INSIG1: variants seen among roughly 807,000 people sequenced by gnomAD.
The protein encoded by INSIG1 is insulin induced gene 1, also known as insulin-induced gene 1 protein.
Under a neutral mutation model 26.5 loss-of-function variants are expected in INSIG1, and 14 were observed. The ratio of observed to expected loss-of-function variants is 0.53; its 90% CI spans 0.35 to 0.83. The LOEUF (loss-of-function observed/expected upper bound fraction) is 0.83. Ranked by LOEUF, INSIG1 falls within the 40% of genes least tolerant of loss-of-function variation. The probability of loss-of-function intolerance (pLI) is 0.01; values close to 1 mark genes in which losing one functional copy is unlikely to be tolerated. For missense variants in INSIG1, 272 were observed against 368.9 expected (o/e 0.74, Z 2.15); for synonymous variants, 147 against 153.3 (o/e 0.96, Z 0.30).
chr7:155,302,632 C>A lies in INSIG1; in HGVS notation c.705-115C>A. ...TTACAACCAAACAAATATGAACATT[C>A]GTAACATTGGATGGTTGATATGCGT... On this transcript the variant is annotated intron_variant, in intron 4 of 5. Coordinates refer to ENST00000340368, the MANE Select transcript of INSIG1 (RefSeq NM_005542.6). The surrounding 1 kb of genome is among the most constrained non-coding windows in gnomAD (Gnocchi z 4.3). 2.2e-6 allele frequency: 2 copies of A among 900,090 alleles called. No individual in the cohort carries two copies. Among genetic ancestry groups the A allele is most frequent in the Non-Finnish European group, 3.5e-6 (2 of 568,400 alleles). 55.8% of individuals were successfully genotyped at this position (900,090 alleles called of 1,614,324 possible).
At position 155,301,635 on chromosome 7, in the gene INSIG1, G is replaced by A; in HGVS notation, c.482G>A (p.Trp161Ter). 1 of 1,609,682 alleles carries A rather than the reference G, an allele frequency of 6.2e-7. No individual in the cohort carries two copies. Among genetic ancestry groups the A allele is most frequent in the Non-Finnish European group, 8.5e-7 (1 of 1,176,946 alleles). Residue 161 changes from tryptophan (W) to a stop codon, truncating the protein, a stop_gained, in exon 3 of 6, where the codon TGG becomes TAG. Coordinates refer to ENST00000340368, the MANE Select transcript of INSIG1 (RefSeq NM_005542.6). LOFTEE classifies it high-confidence loss of function. ...GAACCCCACAAATTTAAGAGAGAAT[G>A]GGCCAGTGTCATGCGCTGCATAGCA... ...LGEPHKFKRE[W>*]ASVMRCIAVF...
rs61740679 is a variant in INSIG1 at position 155,302,843 on chromosome 7, T to A, written c.801T>A (p.Ala267=). The A allele has an allele frequency of 1.9e-6, 3 of 1,584,254 alleles. No individual in the cohort carries two copies. The East Asian group carries it at 6.7e-5, about 35-fold the overall frequency. The change falls in exon 5 of 6, where the codon GCT becomes GCA. Residue 267 remains alanine (A), a synonymous_variant. Coordinates refer to ENST00000340368, the MANE Select transcript of INSIG1 (RefSeq NM_005542.6). The surrounding 1 kb of genome is among the most constrained non-coding windows in gnomAD (Gnocchi z 4.3). ...TGGGGAACATAGGACGACAGTTAGCTATGGTAAGTGAAATGATCATATTAT... is the reference window on the plus strand; with the variant it reads ...TGGGGAACATAGGACGACAGTTAGCAATGGTAAGTGAAATGATCATATTAT... The part of the protein sequence containing the change: ...VTVGNIGRQL[A]MGVPEKPHSD
At position 155,308,261 on chromosome 7, in the gene INSIG1, T is replaced by C; in HGVS notation, c.825T>C (p.His275=). 6.2e-7 allele frequency: 1 copy of C among 1,607,986 alleles called. No homozygotes were observed. Among genetic ancestry groups the C allele is most frequent in the Non-Finnish European group, 8.5e-7 (1 of 1,174,754 alleles). ...CATAGGGTGTTCCTGAAAAGCCCCA[T>C]AGTGATTGAGTCTTCAAAACCACCG... ...QLAMGVPEKP[H]SD The change falls in exon 6 of 6, where the codon CAT becomes CAC. Residue 275 remains histidine (H), a synonymous_variant. Coordinates refer to ENST00000340368, the MANE Select transcript of INSIG1 (RefSeq NM_005542.6).
Position 155,302,247 on chromosome 7 carries a change from C to T in INSIG1, c.538-4C>T. On this transcript the variant is annotated splice_polypyrimidine_tract_variant and splice_region_variant and intron_variant, in intron 3 of 5. Transcript: ENST00000340368. This position sits in a 1 kb window ranked among gnomAD's most constrained non-coding sequence, Gnocchi z 4.3. ...AAACTTTTCCTTAACTTTTATATCACCAGAAATTGGATTTTGCCAATAATG... is the reference window on the plus strand; with the variant it reads ...AAACTTTTCCTTAACTTTTATATCATCAGAAATTGGATTTTGCCAATAATG... 6.5e-7 allele frequency: 1 copy of T among 1,543,768 alleles called. No homozygotes were observed. The highest frequency in any genetic ancestry group is 8.7e-7 in the Non-Finnish European group (1 of 1,149,032).
At chr7:155,303,964 G>T in intron 5 of INSIG1, 2 of 662,678 alleles carry the variant, frequency 3.0e-6, no homozygotes, top group Admixed American at 3.2e-5. Context: ...GAGAAGAAAG[G>T]ACTTTGCTTG....
At chr7:155,307,699 G>T (rs1321346179) in intron 5 of INSIG1, among the ~76,000 whole-genome samples, 1 of 152,148 alleles carries the variant, frequency 6.6e-6, no homozygotes, top group Non-Finnish European at 1.5e-5. Flanking sequence ...TACAAAGCAT[G>T]ACCTATTTCC....
chr7:155,305,205 G>C (rs950225692), intron 5 of INSIG1, among the ~76,000 whole-genome samples: 2 of 151,234 alleles, frequency 1.3e-5, no homozygotes, highest in Non-Finnish European at 1.5e-5. Flanking sequence ...TCCCTGCTGG[G>C]CTATCACATG....
intron 2 of INSIG1, 89 bp from the exon 3 acceptor site, chr7:155,301,477 T>C: frequency 8.4e-7 from 1 of 1,189,462 alleles, no homozygotes; most frequent in Non-Finnish European, 1.1e-6. Flanking sequence ...AGGACTGGTT[T>C]GAGTAATGTA....
chr7:155,298,879 G>A (rs912552147), intron 2 of INSIG1, among the ~76,000 whole-genome samples, 182 bp downstream of exon 2: 2 of 152,256 alleles, frequency 1.3e-5, no homozygotes, highest in East Asian at 3.8e-4. Flanking sequence ...ACCCCCGAGG[G>A]CGGGTTCGGG....
At chr7:155,307,410 C>T (rs1398068742) in intron 5 of INSIG1, among the ~76,000 whole-genome samples, 1 of 152,158 alleles carries the variant, frequency 6.6e-6, no homozygotes, top group Non-Finnish European at 1.5e-5. Context: ...TGGGAAGTCA[C>T]GATTCTGAGG....
At chr7:155,303,859 C>A in intron 5 of INSIG1, 2 of 1,366,294 alleles carry the variant, frequency 1.5e-6, no homozygotes, top group Non-Finnish European at 2.0e-6. Context: ...AATTTGAAGA[C>A]CACTTGGCTG....
intron 5 of INSIG1, chr7:155,303,793 T>G (rs1350547528): frequency 7.9e-7 from 1 of 1,271,514 alleles, no homozygotes; most frequent in Admixed American, 2.0e-5. Flanking sequence ...TACCTCATGC[T>G]ATTTTTAAAA....
chr7:155,309,115 T>C lies in INSIG1; in HGVS notation c.*845T>C, dbSNP rs1160647754. On this transcript the variant is annotated 3_prime_UTR_variant, in exon 6 of 6. Transcript: ENST00000340368. ...TGTTACTACAGAATAGAGATGACTG[T>C]TTTTTGCCACAGCCCTATGGAATTT... The C allele has an allele frequency of 6.6e-6, 1 of 152,476 alleles. No homozygotes were observed. Among genetic ancestry groups the C allele is most frequent in the Non-Finnish European group, 1.5e-5 (1 of 68,030 alleles). 9.4% of individuals were successfully genotyped at this position (152,476 alleles called of 1,614,324 possible).
Position 155,301,583 on chromosome 7 carries a change from T to G in INSIG1, c.430T>G (p.Tyr144Asp). The G allele has an allele frequency of 6.2e-7, 1 of 1,609,152 alleles. No homozygotes were observed. The change falls in exon 3 of 6, where the codon TAC (tyrosine) becomes GAC (aspartate). Residue 144 changes from tyrosine to aspartate, a missense_variant. Transcript: ENST00000340368. ...TAAAACAGCTGTTGTTGGCCTACTG[T>G]ACCCCTGTATCGACAGTCACCTCGG... ...GTAAAVVGLL[Y>D]PCIDSHLGEP...
chr7:155,298,151 C>A, intron 1 of INSIG1, 108 bp from the exon 2 acceptor site: 1 of 997,422 alleles, frequency 1.0e-6, no homozygotes. Context: ...GGGGTCTAAC[C>A]TTGGGGGGCG....
intron 5 of INSIG1, among the ~76,000 whole-genome samples, chr7:155,305,676 A>C (rs1196429571): frequency 1.3e-5 from 2 of 152,174 alleles, no homozygotes; most frequent in Non-Finnish European, 2.9e-5. Context: ...ACCCGCCCAG[A>C]TCCAGGGTAA....
chr7:155,298,324 T>A lies in INSIG1; in HGVS notation c.39T>A (p.Cys13Ter), dbSNP rs768727914. 6.6e-7 allele frequency: 1 copy of A among 1,511,254 alleles called. No individual in the cohort carries two copies. The highest frequency in any genetic ancestry group is 1.4e-5 in the South Asian group (1 of 73,700). 93.6% of individuals were successfully genotyped at this position (1,511,254 alleles called of 1,614,324 possible). A position where few individuals can be genotyped will look rare whatever the true frequency, so the allele number is the denominator to read the frequency against. ...RLHDHFWSCS[C>*]AHSARRRGPP... is the part of the protein sequence containing the mutation. ...ACGACCACTTCTGGAGCTGCTCCTGTGCGCACAGCGCGAGGCGCCGAGGCC... is the reference window on the plus strand; with the variant it reads ...ACGACCACTTCTGGAGCTGCTCCTGAGCGCACAGCGCGAGGCGCCGAGGCC... Residue 13 changes from cysteine (C) to a stop codon, truncating the protein, a stop_gained, in exon 2 of 6, where the codon TGT becomes TGA. Transcript: ENST00000340368. LOFTEE classifies it high-confidence loss of function.
chr7:155,304,003 C>T, intron 5 of INSIG1: 1 of 410,500 alleles, frequency 2.4e-6, no homozygotes, highest in Non-Finnish European at 4.1e-6. Flanking sequence ...TTTTTTGAGA[C>T]AGAGCTCTGG....
rs558544668 is a variant in INSIG1, at chr7:155,303,680, T to C, written c.804+834T>C. On this transcript the variant is annotated intron_variant, in intron 5 of 5. Transcript: ENST00000340368. Reference sequence around the variant, plus strand: ...CATAGAGGTGGACTTTTAAATGTTATTTTGAGTTGACTTTGGCAGGCTGAA... The same window carrying C: ...CATAGAGGTGGACTTTTAAATGTTACTTTGAGTTGACTTTGGCAGGCTGAA... The C allele has an allele frequency of 1.2e-3, 348 of 297,628 alleles. 1 individual carries two copies. Among genetic ancestry groups the C allele is most frequent in the Admixed American group, 2.2e-3 (47 of 21,692 alleles). 18.4% of individuals were successfully genotyped at this position (297,628 alleles called of 1,614,324 possible).
Sources: allele counts gnomAD v4.1 joint callset (sites outside exome capture counted in the v4.1 genomes callset), GRCh38; gene constraint gnomAD v4.1.1; non-coding constraint Gnocchi (gnomAD v3.1); transcripts MANE v1.5; gene names NCBI Gene and HGNC (gene_info 2026-07-23, HGNC 2026-07-21).